Variants in HERPUD2 observed in about 807,000 individuals in gnomAD.
The protein encoded by HERPUD2 is homocysteine-responsive endoplasmic reticulum-resident ubiquitin-like domain member 2 protein.
Under a neutral mutation model 49.9 loss-of-function variants are expected in HERPUD2, and 13 were observed. The observed-to-expected ratio is 0.26, with a 90% CI of 0.17 to 0.41. The LOEUF is 0.41. HERPUD2 is among the 10% of genes least tolerant of loss of function. HERPUD2 has a pLI of 1.00. For missense variants in HERPUD2, 449 were observed against 492.2 expected, an observed-to-expected ratio of 0.91 and a Z score of 0.83; for synonymous variants, 172 against 171.4, an observed-to-expected ratio of 1.00 and a Z score of -0.03.
intron 5 of HERPUD2, among the ~76,000 whole-genome samples, chr7:35,648,087 G>A (rs2115866809): frequency 6.6e-6 from 1 of 152,124 alleles, no homozygotes; most frequent in East Asian, 1.9e-4. Context: ...TACAAGTAAA[G>A]AGACTCAGGA....
rs1784905211 is a variant in HERPUD2 at position 35,638,353 on chromosome 7, T to TG, written c.613dup (p.Gln205ProfsTer51). 1 of 1,591,980 alleles carries TG rather than the reference T, an allele frequency of 6.3e-7. No homozygotes were observed. Among genetic ancestry groups the TG allele is most frequent in the Non-Finnish European group, 8.6e-7 (1 of 1,166,106 alleles). ...AAATGAACTCAGATTAACTTACTAC[T>TG]GCATATAATACTGATGAGCATACAT... is the stretch of plus-strand genomic sequence containing the variant. On this transcript the variant is annotated frameshift_variant, in exon 6 of 9. Transcript: ENST00000311350. LOFTEE classifies it high-confidence loss of function.
chr7:35,684,755 G>C (rs1403522031), intron 2 of HERPUD2, among the ~76,000 whole-genome samples: 3 of 152,200 alleles, frequency 2.0e-5, no homozygotes, highest in African/African-American at 7.2e-5. Context: ...GAAAGGGTGA[G>C]AAGGGGGTGA....
In HERPUD2 at chr7:35,633,405, T is replaced by C. The variant is rs1784815064; in HGVS notation, c.*285A>G. On this transcript the variant is annotated 3_prime_UTR_variant, in exon 9 of 9. Coordinates refer to ENST00000311350, the MANE Select transcript of HERPUD2 (RefSeq NM_022373.5). Reference sequence around the variant, plus strand: ...TCTTTAAAGAAATAAGACATGAAAATAGGTCTGTCCTGGTATACTACACAT... The same window carrying C: ...TCTTTAAAGAAATAAGACATGAAAACAGGTCTGTCCTGGTATACTACACAT... 1 of 182,800 alleles carries C rather than the reference T, an allele frequency of 5.5e-6. No homozygotes were observed. Among genetic ancestry groups the C allele is most frequent in the Non-Finnish European group, 1.1e-5 (1 of 89,276 alleles). The allele number at this position is 182,800 out of a possible 1,614,324, so 11.3% of individuals were successfully genotyped here.
intron 3 of HERPUD2, 68 bp from the exon 4 acceptor site, chr7:35,670,396 T>A: frequency 1.7e-6 from 1 of 606,014 alleles, no homozygotes; most frequent in Non-Finnish European, 2.7e-6. Context: ...AGTCAGTAGC[T>A]AAACTGAAAT....
rs1173380172 is a variant in HERPUD2, at chr7:35,682,326, C to CGT, written c.148-9050_148-9049dup. Reference sequence around the variant, plus strand: ...ATATATAGATATATACACATACACACGTGTGTGTGTGTGTGTGTGTGTGTG... The same window carrying CGT: ...ATATATAGATATATACACATACACACGTGTGTGTGTGTGTGTGTGTGTGTGTG... On this transcript the variant is annotated intron_variant, in intron 2 of 8. Coordinates refer to ENST00000311350, the MANE Select transcript of HERPUD2 (RefSeq NM_022373.5). Among the ~76,000 whole-genome samples the CGT allele has an allele frequency of 4.3e-3, 70 of 16,326 alleles. 7 individuals carry two copies. The highest frequency in any genetic ancestry group is 0.016 in the African/African-American group (61 of 3,762). The allele number at this position is 16,326 out of a possible 152,430, so 10.7% of individuals were successfully genotyped here. A position where few individuals can be genotyped will look rare whatever the true frequency, so the allele number is the denominator to read the frequency against.
chr7:35,651,798 T>A (rs528324674), intron 5 of HERPUD2, among the ~76,000 whole-genome samples: 1 of 146,670 alleles, frequency 6.8e-6, no homozygotes, highest in Admixed American at 6.9e-5. Context: ...GCAAGAGAAT[T>A]CAGATAAACA....
chr7:35,654,761 C>A (rs1216228006), intron 5 of HERPUD2, among the ~76,000 whole-genome samples: 1 of 151,718 alleles, frequency 6.6e-6, no homozygotes, highest in Non-Finnish European at 1.5e-5. Flanking sequence ...CTGCAACCTC[C>A]ACCTTCTGGG....
chr7:35,686,348 C>A (rs1230150699), intron 2 of HERPUD2, among the ~76,000 whole-genome samples: 1 of 150,582 alleles, frequency 6.6e-6, no homozygotes, highest in African/African-American at 2.4e-5. Flanking sequence ...CCACCACGCC[C>A]GGCTAATTTT....
Position 35,633,428 on chromosome 7 carries a change from C to T in HERPUD2, c.*262G>A. The T allele has an allele frequency of 8.2e-6, 2 of 245,172 alleles. No homozygotes were observed. Among genetic ancestry groups the T allele is most frequent in the Non-Finnish European group, 7.7e-6 (1 of 129,704 alleles). The allele number at this position is 245,172 out of a possible 1,614,324, so 15.2% of individuals were successfully genotyped here. On this transcript the variant is annotated 3_prime_UTR_variant, in exon 9 of 9. Transcript: ENST00000311350. ...AATAGGTCTGTCCTGGTATACTACA[C>T]ATAATTGAAATGAGTAACACCTGGA... is the stretch of plus-strand genomic sequence containing the variant.
At position 35,694,347 on chromosome 7, in the gene HERPUD2, GAC is replaced by G. The variant is rs1786266460; in HGVS notation, c.-19_-18del. ...TTGGTCCATGGTGCCCCCAAAGTCA[GAC>G]AGAGTCCAGAGGAGCGGCAGTTAAG... On this transcript the variant is annotated 5_prime_UTR_variant, in exon 2 of 9. Coordinates refer to ENST00000311350, the MANE Select transcript of HERPUD2 (RefSeq NM_022373.5). 2 of 1,613,956 alleles carry G rather than the reference GAC, an allele frequency of 1.2e-6. No homozygotes were observed. Among genetic ancestry groups the G allele is most frequent in the African/African-American group, 1.3e-5 (1 of 74,938 alleles).
chr7:35,678,512 G>A (rs1785813328), intron 2 of HERPUD2, among the ~76,000 whole-genome samples: 1 of 152,106 alleles, frequency 6.6e-6, no homozygotes, highest in South Asian at 2.1e-4. Flanking sequence ...TGTTGGCCAG[G>A]CTGGTCTCAA....
chr7:35,637,888 T>C (rs1423859227), intron 6 of HERPUD2, among the ~76,000 whole-genome samples: 1 of 152,126 alleles, frequency 6.6e-6, no homozygotes, highest in Non-Finnish European at 1.5e-5. Context: ...CAGAATGAGT[T>C]GAGGAGAATG....
chr7:35,649,418 C>G (rs1470967620), intron 5 of HERPUD2, among the ~76,000 whole-genome samples: 1 of 151,980 alleles, frequency 6.6e-6, no homozygotes. Flanking sequence ...TAATCGTTGT[C>G]AACAAAAAGT....
intron 5 of HERPUD2, among the ~76,000 whole-genome samples, chr7:35,650,622 T>A (rs932888838): frequency 6.6e-6 from 1 of 152,134 alleles, no homozygotes; most frequent in African/African-American, 2.4e-5. Flanking sequence ...AACTGATGTA[T>A]CTTGGGCCAC....
rs918112576 is a variant in HERPUD2 at position 35,662,654 on chromosome 7, A to G, written c.494+4780T>C. Among the ~76,000 whole-genome samples the G allele has an allele frequency of 2.0e-4, 31 of 152,130 alleles. 1 individual carries two copies. Among genetic ancestry groups the G allele is most frequent in the African/African-American group, 6.5e-4 (27 of 41,500 alleles). On this transcript the variant is annotated intron_variant, in intron 5 of 8. Transcript: ENST00000311350. The stretch of plus-strand genomic sequence containing the variant: ...CCATTTCTTCTAGATTTTCTAGTTT[A>G]TTTGCGTAGAGGTGTTTATAGTACT...
intron 5 of HERPUD2, among the ~76,000 whole-genome samples, chr7:35,639,579 G>A (rs971321059): frequency 2.6e-5 from 4 of 152,126 alleles, no homozygotes; most frequent in East Asian, 3.9e-4. Context: ...AGATAAACAG[G>A]TAAGAAAATG....
chr7:35,658,061 T>A (rs1455754984), intron 5 of HERPUD2, among the ~76,000 whole-genome samples: 1 of 152,160 alleles, frequency 6.6e-6, no homozygotes, highest in Non-Finnish European at 1.5e-5. Context: ...CTGTTCAGAA[T>A]AGCAAAGATG....
chr7:35,635,883 A>AT (rs1312942965), intron 6 of HERPUD2, among the ~76,000 whole-genome samples: 3 of 152,168 alleles, frequency 2.0e-5, no homozygotes, highest in Non-Finnish European at 4.4e-5. Flanking sequence ...CTTGTCTAAA[A>AT]ATATATACTA....
intron 6 of HERPUD2, among the ~76,000 whole-genome samples, chr7:35,637,138 A>AAAAGAAAGAAAGAAAGAAAGAAAG (rs376749984): frequency 1.8e-4 from 24 of 135,792 alleles, no homozygotes; most frequent in African/African-American, 5.6e-4. Flanking sequence ...GTCTCAAAAA[A>AAAAGAAAGAAAGAAAGAAAGAAAG]AAAGAAAGAA....
Sources: allele counts gnomAD v4.1 joint callset (sites outside exome capture counted in the v4.1 genomes callset), GRCh38; gene constraint gnomAD v4.1.1; transcripts MANE v1.5; gene names NCBI Gene and HGNC (gene_info 2026-07-23, HGNC 2026-07-21).